Variants in CUX1 observed in about 807,000 individuals in gnomAD.
CUX1 encodes protein CASP.
In CUX1, 31 loss-of-function variants were observed where a neutral mutation model predicts 158.8. The ratio of observed to expected loss-of-function variants is 0.20; its 90% CI spans 0.15 to 0.26. The LOEUF is 0.26. Among genes scored for constraint, CUX1 ranks in the 10% least tolerant of loss-of-function variants. The pLI, the probability that CUX1 is intolerant of heterozygous loss-of-function variation, is 1.00. For missense variants in CUX1, 1,589 were observed against 2,014.6 expected (o/e 0.79, Z 4.04); for synonymous variants, 879 against 862.1 (o/e 1.02, Z -0.34).
At chr7:102,241,589 C>T (rs370314302) in intron 23 of CUX1, among the ~76,000 whole-genome samples, 1 of 152,106 alleles carries the variant, frequency 6.6e-6, no homozygotes, top group East Asian at 1.9e-4. Flanking sequence ...TAAAGGGGCC[C>T]AGTAAACCAC....
At chr7:101,908,736 C>T (rs568656460) in intron 1 of CUX1, among the ~76,000 whole-genome samples, 1 of 152,320 alleles carries the variant, frequency 6.6e-6, no homozygotes, top group South Asian at 2.1e-4. Flanking sequence ...AGCCCCTGGC[C>T]TGGTGGGGGA....
chr7:101,866,181 G>C (rs924204656), intron 1 of CUX1, among the ~76,000 whole-genome samples: 1 of 151,962 alleles, frequency 6.6e-6, no homozygotes, highest in South Asian at 2.1e-4. Context: ...TAAAAATTAG[G>C]CTGGGCATGG....
At chr7:101,876,903 C>T (rs574282567) in intron 1 of CUX1, among the ~76,000 whole-genome samples, 8 of 140,848 alleles carry the variant, frequency 5.7e-5, no homozygotes, top group South Asian at 4.9e-4. Context: ...CGTGAGCCAC[C>T]GCACCCGGCC....
intron 1 of CUX1, among the ~76,000 whole-genome samples, chr7:101,870,254 A>G (rs919540089): frequency 6.6e-6 from 1 of 150,742 alleles, no homozygotes; most frequent in African/African-American, 2.4e-5. Context: ...TCTGGGCATA[A>G]GCAATCCTCC....
chr7:101,897,470 C>T (rs1801638152), intron 1 of CUX1, among the ~76,000 whole-genome samples: 1 of 151,270 alleles, frequency 6.6e-6, no homozygotes, highest in South Asian at 2.1e-4. Flanking sequence ...CACTGTACTC[C>T]AGCCTGAGTG....
chr7:102,060,148 G>A (rs1010403191), intron 3 of CUX1, among the ~76,000 whole-genome samples: 1 of 152,042 alleles, frequency 6.6e-6, no homozygotes, highest in Admixed American at 6.6e-5. Context: ...CGTGGTAGTG[G>A]GCGCCTGTAG....
At chr7:102,147,591 T>G (rs1354409774) in intron 8 of CUX1, among the ~76,000 whole-genome samples, 1 of 152,254 alleles carries the variant, frequency 6.6e-6, no homozygotes. Context: ...CCTTAAAAGT[T>G]GTATTTACAA....
chr7:102,172,523 T>G (rs572170990), intron 10 of CUX1, among the ~76,000 whole-genome samples: 47 of 152,298 alleles, frequency 3.1e-4, no homozygotes, highest in African/African-American at 1.1e-3. Flanking sequence ...GTGCTGAGAT[T>G]ACAAGCATGA....
At chr7:102,278,684 T>C (rs1791809202) in intron 18 of CUX1, among the ~76,000 whole-genome samples, 1 of 135,644 alleles carries the variant, frequency 7.4e-6, no homozygotes. Flanking sequence ...TAAAATAAAA[T>C]AAATAAAATA....
rs572501865 is a variant in CUX1 at position 102,163,540 on chromosome 7, G to A, written c.723+4932G>A. Among the ~76,000 whole-genome samples, 12 of 152,264 alleles carry A rather than the reference G, an allele frequency of 7.9e-5. No individual in the cohort carries two copies. The East Asian group carries it at 1.9e-3, about 25-fold the overall frequency. The stretch of plus-strand genomic sequence containing the variant: ...TTCATCCTGGGAGCAGTGAAGAATC[G>A]TAGGCGGGATTGAGACATCAGGTTT... On this transcript the variant is annotated intron_variant, in intron 9 of 23. Transcript: ENST00000292535.
chr7:101,992,552 G>A (rs768474155), intron 2 of CUX1, among the ~76,000 whole-genome samples: 14 of 152,140 alleles, frequency 9.2e-5, no homozygotes, highest in Non-Finnish European at 1.8e-4. Context: ...GTTGGGTGGG[G>A]GAGGGGTCAG....
chr7:101,825,437 C>T (rs1029682691), intron 1 of CUX1, among the ~76,000 whole-genome samples: 1 of 152,188 alleles, frequency 6.6e-6, no homozygotes, highest in Admixed American at 6.5e-5. Context: ...ACCGATGAGC[C>T]TGGAGGACCA....
At chr7:102,103,936 A>AT (rs1427986894) in intron 5 of CUX1, among the ~76,000 whole-genome samples, 1 of 151,654 alleles carries the variant, frequency 6.6e-6, no homozygotes, top group East Asian at 1.9e-4. Flanking sequence ...ATTATGAACT[A>AT]TTTTTTTTCT....
chr7:102,075,241 C>G (rs1236152140), intron 4 of CUX1, among the ~76,000 whole-genome samples: 1 of 152,186 alleles, frequency 6.6e-6, no homozygotes, highest in Non-Finnish European at 1.5e-5. Context: ...CACCCAAACT[C>G]CTGCCCTACA....
chr7:102,253,467 T>C lies in CUX1; in HGVS notation c.*4425T>C, dbSNP rs1801741292. The stretch of plus-strand genomic sequence containing the variant: ...CGGGCAGGTGCCTTCCCGACTAAGG[T>C]TGGACTGGATGACTTTGTTCCTCCT... On this transcript the variant is annotated 3_prime_UTR_variant, in exon 24 of 24. Coordinates refer to ENST00000292535, the MANE Select transcript of CUX1 (RefSeq NM_181552.4). 16 of 985,456 alleles carry C rather than the reference T, an allele frequency of 1.6e-5. No homozygotes were observed. Among genetic ancestry groups the C allele is most frequent in the African/African-American group, 1.7e-5 (1 of 57,358 alleles). 61.0% of individuals were successfully genotyped at this position (985,456 alleles called of 1,614,324 possible). A position where few individuals can be genotyped will look rare whatever the true frequency, so the allele number is the denominator to read the frequency against.
intron 9 of CUX1, 70 bp from the exon 10 acceptor site, chr7:102,170,376 T>C: frequency 1.8e-6 from 2 of 1,086,342 alleles, no homozygotes; most frequent in South Asian, 1.5e-5. Flanking sequence ...AATTGATGAA[T>C]GTTCTTGTAA....
intron 1 of CUX1, among the ~76,000 whole-genome samples, chr7:101,857,773 T>TG: frequency 6.6e-6 from 1 of 151,576 alleles, no homozygotes; most frequent in East Asian, 1.9e-4. Context: ...GGAATTTTTT[T>TG]CCCCCCTTAG....
At chr7:102,064,837 TC>T (rs1168351431) in intron 3 of CUX1, among the ~76,000 whole-genome samples, 5 of 152,108 alleles carry the variant, frequency 3.3e-5, no homozygotes, top group African/African-American at 4.8e-5. Context: ...GCTCCCTCCC[TC>T]CCTCTAGACT....
intron 3 of CUX1, among the ~76,000 whole-genome samples, chr7:102,045,566 AG>A (rs1285965339): frequency 2.0e-5 from 3 of 152,286 alleles, no homozygotes; most frequent in Admixed American, 1.3e-4. Context: ...GTGATATAGC[AG>A]GAGCTTTGAA....
Sources: gnomAD v4.1 joint callset for allele counts (sites outside exome capture counted in the v4.1 genomes callset) on GRCh38, gnomAD v4.1.1 for gene constraint, MANE v1.5 for transcripts, NCBI Gene and HGNC (gene_info 2026-07-23, HGNC 2026-07-21) for gene names.